The following DIP2B variants were observed in gnomAD, a reference collection of about 807,000 sequenced individuals.
DIP2B encodes DIP2 acetate--CoA ligase B (putative).
Under a neutral mutation model 198.0 loss-of-function variants are expected in DIP2B, and 76 were observed. The ratio of observed to expected loss-of-function variants is 0.38; its 90% CI spans 0.32 to 0.46. The LOEUF is 0.46. Among genes scored for constraint, DIP2B ranks in the 20% least tolerant of loss-of-function variants. The pLI, the probability that DIP2B is intolerant of heterozygous loss-of-function variation, is 0.99. For missense variants in DIP2B, 1,559 were observed against 1,978.4 expected, an observed-to-expected ratio of 0.79 and a Z score of 4.02; for synonymous variants, 701 against 739.1, an observed-to-expected ratio of 0.95 and a Z score of 0.84.
At chr12:50,527,996 C>G (rs1029996638) in intron 1 of DIP2B, among the ~76,000 whole-genome samples, 3 of 150,166 alleles carry the variant, frequency 2.0e-5, no homozygotes, top group Non-Finnish European at 1.5e-5. Context: ...AGTGTAATCA[C>G]GGCTCACTGC....
intron 12 of DIP2B, chr12:50,686,931 G>A (rs1338172266): frequency 3.1e-5 from 11 of 353,990 alleles, no homozygotes; most frequent in Non-Finnish European, 5.6e-5. Context: ...AGTTACAAAA[G>A]ACTTTAGGGA....
chr12:50,669,758 G>A (rs1676291302), intron 4 of DIP2B, among the ~76,000 whole-genome samples: 1 of 152,096 alleles, frequency 6.6e-6, no homozygotes, highest in Non-Finnish European at 1.5e-5. Flanking sequence ...CTCTGGACCT[G>A]CAGAATTTGA....
rs971563732 is a variant in DIP2B at position 50,746,473 on chromosome 12, T to C, written c.*1634T>C. 1.8e-4 allele frequency: 27 copies of C among 152,212 alleles called. No homozygotes were observed. Among genetic ancestry groups the C allele is most frequent in the African/African-American group, 6.5e-4 (27 of 41,462 alleles). 9.4% of individuals were successfully genotyped at this position (152,212 alleles called of 1,614,324 possible). A position where few individuals can be genotyped will look rare whatever the true frequency, so the allele number is the denominator to read the frequency against. On this transcript the variant is annotated 3_prime_UTR_variant, in exon 38 of 38. Coordinates refer to ENST00000301180, the MANE Select transcript of DIP2B (RefSeq NM_173602.3). ...AATGCAAAGACCAGCTCCTTTGCGGTGGCAGTGCTCTAGGGCTGCCATTAC... is the reference window on the plus strand; with the variant it reads ...AATGCAAAGACCAGCTCCTTTGCGGCGGCAGTGCTCTAGGGCTGCCATTAC...
Position 50,735,111 on chromosome 12 carries a change from T to C in DIP2B, c.4082T>C (p.Leu1361Pro), listed in dbSNP as rs1457317915. The C allele has an allele frequency of 1.2e-6, 2 of 1,614,060 alleles. No homozygotes were observed. The highest frequency in any genetic ancestry group is 2.7e-5 in the African/African-American group (2 of 74,922). The change falls in exon 34 of 38, where the codon CTT (leucine) becomes CCT (proline). Residue 1361 changes from leucine (L) to proline (P), a missense_variant. Transcript: ENST00000301180. Reference protein sequence around the residue: ...LVERGAPQSLLLSESGKILPG... With the variant: ...LVERGAPQSLPLSESGKILPG... Reference sequence around the variant, plus strand: ...GAACGTGGCGCCCCTCAGAGTTTGCTTCTCTCAGAGTCTGGAAAGGTAATT... The same window carrying C: ...GAACGTGGCGCCCCTCAGAGTTTGCCTCTCTCAGAGTCTGGAAAGGTAATT...
rs556608966 is a variant in DIP2B, at chr12:50,745,483, T to C, written c.*644T>C. On this transcript the variant is annotated 3_prime_UTR_variant, in exon 38 of 38. Coordinates refer to ENST00000301180, the MANE Select transcript of DIP2B (RefSeq NM_173602.3). The stretch of plus-strand genomic sequence containing the variant: ...AACCACAGTAGAAACATTTCTACTT[T>C]GAGAGAATTTCAATATTCTCTTAAT... 6.6e-6 allele frequency: 1 copy of C among 152,642 alleles called. No individual in the cohort carries two copies. Among genetic ancestry groups the C allele is most frequent in the East Asian group, 1.9e-4 (1 of 5,194 alleles). 9.5% of individuals were successfully genotyped at this position (152,642 alleles called of 1,614,324 possible).
At chr12:50,686,100 C>T in intron 11 of DIP2B, 144 bp downstream of exon 11, 1 of 876,998 alleles carries the variant, frequency 1.1e-6, no homozygotes, top group South Asian at 2.1e-5. Flanking sequence ...CATTATTATC[C>T]CCATTTTACA....
chr12:50,712,411 C>G (rs1939633217), intron 22 of DIP2B, among the ~76,000 whole-genome samples: 1 of 151,340 alleles, frequency 6.6e-6, no homozygotes, highest in Non-Finnish European at 1.5e-5. Flanking sequence ...CAAGACCAGC[C>G]TGGCCAACGT....
intron 1 of DIP2B, among the ~76,000 whole-genome samples, chr12:50,549,937 A>G (rs1042561740): frequency 2.0e-5 from 3 of 152,128 alleles, no homozygotes; most frequent in Non-Finnish European, 2.9e-5. Flanking sequence ...AAATTTAACA[A>G]TCAAGGTACC....
intron 1 of DIP2B, among the ~76,000 whole-genome samples, chr12:50,585,170 A>T (rs1023984794): frequency 6.6e-6 from 1 of 152,196 alleles, no homozygotes; most frequent in Non-Finnish European, 1.5e-5. Context: ...CACCCTTCCC[A>T]AAGTAGTGAC....
intron 6 of DIP2B, 57 bp downstream of exon 6, chr12:50,674,686 A>G (rs1475547131): frequency 6.3e-6 from 10 of 1,599,046 alleles, no homozygotes; most frequent in Non-Finnish European, 6.8e-6. Context: ...GAAAAATTCA[A>G]ATTATGAATG....
At chr12:50,565,193 C>T (rs1450891605) in intron 1 of DIP2B, among the ~76,000 whole-genome samples, 1 of 151,972 alleles carries the variant, frequency 6.6e-6, no homozygotes, top group Admixed American at 6.6e-5. Flanking sequence ...GATGAGATCT[C>T]GTCATGTTGG....
At chr12:50,569,166 A>G (rs575367842) in intron 1 of DIP2B, among the ~76,000 whole-genome samples, 16 of 151,100 alleles carry the variant, frequency 1.1e-4, no homozygotes, top group Non-Finnish European at 2.4e-4. Flanking sequence ...TGTTAATTTC[A>G]GGGCACATAA....
chr12:50,608,684 A>G (rs981834267), intron 1 of DIP2B, among the ~76,000 whole-genome samples: 8 of 152,064 alleles, frequency 5.3e-5, no homozygotes, highest in African/African-American at 7.2e-5. Context: ...AGCACAGTCT[A>G]TCGATCAACT....
chr12:50,591,880 T>C (rs1958822093), intron 1 of DIP2B, among the ~76,000 whole-genome samples: 1 of 148,876 alleles, frequency 6.7e-6, no homozygotes, highest in Admixed American at 6.8e-5. Flanking sequence ...TATTTTTGTG[T>C]GTTTTTTTTT....
chr12:50,529,788 G>C (rs1565814063), intron 1 of DIP2B, among the ~76,000 whole-genome samples: 1 of 152,104 alleles, frequency 6.6e-6, no homozygotes, highest in African/African-American at 2.4e-5. Context: ...GACCCCGGGA[G>C]GCAGAGATTG....
chr12:50,507,441 T>C (rs1957977761), intron 1 of DIP2B, among the ~76,000 whole-genome samples: 1 of 152,228 alleles, frequency 6.6e-6, no homozygotes. Context: ...TATGGTGTTA[T>C]TTGTGATGCC....
At chr12:50,537,198 C>T (rs944771444) in intron 1 of DIP2B, among the ~76,000 whole-genome samples, 3 of 125,266 alleles carry the variant, frequency 2.4e-5, no homozygotes, top group African/African-American at 9.3e-5. Flanking sequence ...TGAGCTCAAG[C>T]GATCCACCTG....
chr12:50,558,816 G>A (rs534631879), intron 1 of DIP2B, among the ~76,000 whole-genome samples: 7 of 152,268 alleles, frequency 4.6e-5, no homozygotes, highest in Admixed American at 3.9e-4. Flanking sequence ...AAACCCAGAA[G>A]GCTCAGGAGT....
At chr12:50,630,966 T>C (rs573030822) in intron 2 of DIP2B, among the ~76,000 whole-genome samples, 3 of 151,950 alleles carry the variant, frequency 2.0e-5, no homozygotes, top group Non-Finnish European at 4.4e-5. Context: ...CCACCGTGCC[T>C]GGCCATCCAC....
Sources: gnomAD v4.1 joint callset for allele counts (sites outside exome capture counted in the v4.1 genomes callset) on GRCh38, gnomAD v4.1.1 for gene constraint, MANE v1.5 for transcripts, NCBI Gene and HGNC (gene_info 2026-07-23, HGNC 2026-07-21) for gene names.